Variants in CLIC5 observed in about 807,000 individuals in gnomAD.
CLIC5 encodes CLIC family member 5.
CLIC5 carries 20 observed loss-of-function variants against 24.7 expected under a neutral mutation model. The ratio of observed to expected loss-of-function variants is 0.81; its 90% CI spans 0.57 to 1.18. The LOEUF (loss-of-function observed/expected upper bound fraction) is 1.18, where lower values mean the gene tolerates loss of function less well. CLIC5 is among the 50% of genes most tolerant of loss of function. CLIC5 has a pLI of 0.00. For missense variants in CLIC5, 341 were observed against 326.1 expected (o/e 1.05, Z -0.35); for synonymous variants, 159 against 135.6 (o/e 1.17, Z -1.20).
chr6:46,062,577 C>T (rs1461400962), intron 1 of CLIC5, among the ~76,000 whole-genome samples: 1 of 152,172 alleles, frequency 6.6e-6, no homozygotes, highest in Non-Finnish European at 1.5e-5. Context: ...TGGGACATGC[C>T]TTCGAGCCCA....
At position 45,913,113 on chromosome 6, in the gene CLIC5, G is replaced by A. The variant is rs114942734; in HGVS notation, c.588+1115C>T. Among the ~76,000 whole-genome samples, 460 of 152,300 alleles carry A rather than the reference G, an allele frequency of 3.0e-3. 1 individual carries two copies. The highest frequency in any genetic ancestry group is 9.2e-3 in the African/African-American group (384 of 41,560). The stretch of plus-strand genomic sequence containing the variant: ...GAAGCATAGAAATAAACTGGATATC[G>A]TAAAGACTTACACCAGGTGATCAAA... On this transcript the variant is annotated intron_variant, in intron 5 of 5. Coordinates refer to ENST00000339561, the MANE Select transcript of CLIC5 (RefSeq NM_016929.5).
intron 1 of CLIC5, among the ~76,000 whole-genome samples, chr6:46,006,057 TAC>T (rs1491027250): frequency 7.3e-6 from 1 of 137,192 alleles, no homozygotes; most frequent in Non-Finnish European, 1.5e-5. Flanking sequence ...AATATATATA[TAC>T]ATGTATAAAT....
At chr6:46,083,981 T>A (rs1762977308), upstream of CLIC5, among the ~76,000 whole-genome samples, 1 of 152,232 alleles carries the variant, frequency 6.6e-6, no homozygotes, top group Non-Finnish European at 1.5e-5. Context: ...CATATATATT[T>A]AGGTTAGTTA....
chr6:45,998,468 T>C (rs1158700028), intron 1 of CLIC5, among the ~76,000 whole-genome samples: 1 of 152,176 alleles, frequency 6.6e-6, no homozygotes, highest in Non-Finnish European at 1.5e-5. Context: ...TCTGTCTACA[T>C]CCAGGGCTTC....
chr6:45,912,737 T>C (rs576169600), intron 5 of CLIC5: 1 of 1,532,278 alleles, frequency 6.5e-7, no homozygotes, highest in South Asian at 1.2e-5. Flanking sequence ...GTGGTACTTG[T>C]TCCTAAGGAG....
At chr6:45,895,837 C>T (rs1762389028), downstream of CLIC5, among the ~76,000 whole-genome samples, 1 of 152,120 alleles carries the variant, frequency 6.6e-6, no homozygotes, top group South Asian at 2.1e-4. Flanking sequence ...CGGAATAGTA[C>T]TGGGTTTTAA....
rs1762510096 is a variant in CLIC5 at position 45,901,473 on chromosome 6, G to A, written c.*1615C>T. 6.6e-6 allele frequency: 1 copy of A among 152,116 alleles called. No individual in the cohort carries two copies. Among genetic ancestry groups the A allele is most frequent in the African/African-American group, 2.4e-5 (1 of 41,418 alleles). The allele number at this position is 152,116 out of a possible 1,614,324, so 9.4% of individuals were successfully genotyped here. A position where few individuals can be genotyped will look rare whatever the true frequency, so the allele number is the denominator to read the frequency against. The stretch of plus-strand genomic sequence containing the variant: ...GGTTAGAATTTGTTGATATTTCTAT[G>A]GAAAGGACCCGTGCTATCCTGCCCT... On this transcript the variant is annotated 3_prime_UTR_variant, in exon 6 of 6. Transcript: ENST00000339561.
chr6:45,929,523 G>A lies in CLIC5; in HGVS notation c.406+12024C>T, dbSNP rs565033507. 7.9e-5 allele frequency among the ~76,000 whole-genome samples: 12 copies of A among 152,352 alleles called. 1 individual carries two copies. The highest frequency in any genetic ancestry group is 2.9e-4 in the African/African-American group (12 of 41,582). On this transcript the variant is annotated intron_variant, in intron 4 of 5. Transcript: ENST00000339561. ...ACAAAATACCCCTAGTTGGCTATTT[G>A]CACACAGGGGTTGCCAAGGAAGGCA...
chr6:45,933,101 G>C (rs866987829), intron 4 of CLIC5, among the ~76,000 whole-genome samples: 3 of 152,202 alleles, frequency 2.0e-5, no homozygotes, highest in Admixed American at 2.0e-4. Context: ...GGAGCTTCCA[G>C]GTTCCAGAAA....
intron 1 of CLIC5, among the ~76,000 whole-genome samples, chr6:45,982,984 A>G (rs1228445763): frequency 6.6e-6 from 1 of 152,232 alleles, no homozygotes; most frequent in Non-Finnish European, 1.5e-5. Context: ...CGATTCAAGC[A>G]TAAGGTGAAT....
At chr6:45,946,893 G>A (rs1764306807) in intron 3 of CLIC5, among the ~76,000 whole-genome samples, 1 of 152,186 alleles carries the variant, frequency 6.6e-6, no homozygotes, top group African/African-American at 2.4e-5. Context: ...ACAGCATCAA[G>A]CGTTCTGCTA....
intron 1 of CLIC5, among the ~76,000 whole-genome samples, chr6:46,071,229 A>T (rs1246361730): frequency 6.6e-6 from 1 of 152,192 alleles, no homozygotes; most frequent in East Asian, 1.9e-4. Flanking sequence ...CACAAATGGG[A>T]TCTAATTAAA....
intron 1 of CLIC5, among the ~76,000 whole-genome samples, chr6:46,005,707 G>A (rs1766528019): frequency 6.6e-6 from 1 of 151,992 alleles, no homozygotes. Context: ...GAGGTGATTA[G>A]GTCATGAGGG....
At chr6:46,103,143 TG>T in the CLIC5 span, among the ~76,000 whole-genome samples, 1 of 152,232 alleles carries the variant, frequency 6.6e-6, no homozygotes, top group Non-Finnish European at 1.5e-5. Flanking sequence ...TTAACTAATT[TG>T]CCTATAGTCC....
chr6:46,086,077 C>T, the CLIC5 span, among the ~76,000 whole-genome samples: 45 of 152,206 alleles, frequency 3.0e-4, no homozygotes, highest in Non-Finnish European at 5.3e-4. Flanking sequence ...CCTGGTGCGC[C>T]GTTTTTTAAG....
At chr6:46,024,839 G>A (rs977946126) in intron 1 of CLIC5, among the ~76,000 whole-genome samples, 19 of 152,118 alleles carry the variant, frequency 1.2e-4, no homozygotes, top group Non-Finnish European at 1.8e-4. Context: ...TAAGAGTGAC[G>A]CCAATCTTGA....
At chr6:46,015,053 A>T (rs1414278035) in intron 1 of CLIC5, among the ~76,000 whole-genome samples, 1 of 152,236 alleles carries the variant, frequency 6.6e-6, no homozygotes, top group Non-Finnish European at 1.5e-5. Flanking sequence ...GCTTTGCCAA[A>T]GATCATTGTG....
At chr6:45,903,534 C>T (rs578054723) in intron 5 of CLIC5, among the ~76,000 whole-genome samples, 1 of 152,116 alleles carries the variant, frequency 6.6e-6, no homozygotes, top group Non-Finnish European at 1.5e-5. Context: ...AAAGATTTAC[C>T]TACACAATTA....
At chr6:46,000,724 C>T (rs143078347) in intron 1 of CLIC5, among the ~76,000 whole-genome samples, 95 of 152,234 alleles carry the variant, frequency 6.2e-4, no homozygotes, top group African/African-American at 2.2e-3. Context: ...ATGAAACCAT[C>T]AGACTCGTAG....
Sources: gnomAD v4.1 joint callset for allele counts (sites outside exome capture counted in the v4.1 genomes callset) on GRCh38, gnomAD v4.1.1 for gene constraint, MANE v1.5 for transcripts, NCBI Gene and HGNC (gene_info 2026-07-23, HGNC 2026-07-21) for gene names.